Variants in ADAMTS6 observed in about 807,000 individuals in gnomAD.
ADAMTS6 encodes A disintegrin and metalloproteinase with thrombospondin motifs 6.
In ADAMTS6, 23 loss-of-function variants were observed where a neutral mutation model predicts 144.3. The ratio of observed to expected loss-of-function variants is 0.16; its 90% CI spans 0.11 to 0.23. The LOEUF is 0.23. ADAMTS6 is among the 10% of genes least tolerant of loss of function. The pLI is 1.00. For missense variants in ADAMTS6, 999 were observed against 1,379.6 expected, an observed-to-expected ratio of 0.72 and a Z score of 4.37; for synonymous variants, 444 against 457.5, an observed-to-expected ratio of 0.97 and a Z score of 0.38.
At chr5:65,321,055 G>T (rs1745564261) in intron 9 of ADAMTS6, among the ~76,000 whole-genome samples, 1 of 151,976 alleles carries the variant, frequency 6.6e-6, no homozygotes, top group African/African-American at 2.4e-5. Context: ...TATTCCTTTG[G>T]GTATATACCT....
intron 7 of ADAMTS6, among the ~76,000 whole-genome samples, chr5:65,355,212 T>C (rs1163636496): frequency 1.3e-5 from 2 of 151,802 alleles, no homozygotes; most frequent in Non-Finnish European, 3.0e-5. Flanking sequence ...TCTGATAAAA[T>C]AGTTAAAAGA....
intron 7 of ADAMTS6, among the ~76,000 whole-genome samples, chr5:65,403,768 A>G (rs73762297): frequency 0.039 from 5,939 of 152,130 alleles, 411 homozygotes; most frequent in African/African-American, 0.14. Context: ...CACATATACA[A>G]ATAATATAAC....
chr5:65,470,712 A>G, intron 3 of ADAMTS6, 66 bp downstream of exon 3: 1 of 1,371,864 alleles, frequency 7.3e-7, no homozygotes, highest in Non-Finnish European at 9.6e-7. Context: ...TAATCTGAGG[A>G]AAGACATTTA....
chr5:65,426,135 C>T (rs1445394832), intron 7 of ADAMTS6, among the ~76,000 whole-genome samples: 1 of 151,756 alleles, frequency 6.6e-6, no homozygotes, highest in Non-Finnish European at 1.5e-5. Flanking sequence ...CAACTTCCGC[C>T]TCCCAAGTTC....
chr5:65,354,671 C>T (rs1749164311), intron 7 of ADAMTS6, among the ~76,000 whole-genome samples: 1 of 151,590 alleles, frequency 6.6e-6, no homozygotes, highest in Non-Finnish European at 1.5e-5. Context: ...AAATTTCGCT[C>T]AGTAAACTAC....
intron 7 of ADAMTS6, among the ~76,000 whole-genome samples, chr5:65,430,434 C>T (rs892529310): frequency 6.6e-6 from 1 of 152,160 alleles, no homozygotes; most frequent in Admixed American, 6.6e-5. Flanking sequence ...ACTTGGAACA[C>T]TCCCACCCTC....
intron 12 of ADAMTS6, 103 bp from the exon 13 acceptor site, chr5:65,263,065 A>G: frequency 3.6e-6 from 5 of 1,389,914 alleles, no homozygotes; most frequent in Non-Finnish European, 4.9e-6. Context: ...AGGCATTAGC[A>G]TTCTCCCAAT....
chr5:65,163,305 G>C (rs565990574), intron 24 of ADAMTS6, among the ~76,000 whole-genome samples: 2 of 152,100 alleles, frequency 1.3e-5, no homozygotes, highest in Non-Finnish European at 2.9e-5. Flanking sequence ...TCTCAAGAGA[G>C]GGAAAGCTAG....
chr5:65,181,479 A>AT (rs1219849198), intron 22 of ADAMTS6, among the ~76,000 whole-genome samples: 1 of 152,246 alleles, frequency 6.6e-6, no homozygotes, highest in African/African-American at 2.4e-5. Context: ...TTCAGAAAAT[A>AT]TTTTCAAATA....
chr5:65,439,212 C>A (rs1480280948), intron 7 of ADAMTS6, among the ~76,000 whole-genome samples: 1 of 151,740 alleles, frequency 6.6e-6, no homozygotes, highest in South Asian at 2.1e-4. Flanking sequence ...TACCTAATAT[C>A]GAAAGAATAA....
chr5:65,424,929 T>C (rs1397676230), intron 7 of ADAMTS6, among the ~76,000 whole-genome samples: 1 of 152,196 alleles, frequency 6.6e-6, no homozygotes, highest in African/African-American at 2.4e-5. Context: ...TTAATTCCGC[T>C]GTATAATTTT....
At chr5:65,380,104 A>C (rs1751909063) in intron 7 of ADAMTS6, among the ~76,000 whole-genome samples, 1 of 152,106 alleles carries the variant, frequency 6.6e-6, no homozygotes, top group Admixed American at 6.5e-5. Flanking sequence ...AAAATATAAA[A>C]ATAGTATAAA....
chr5:65,301,150 A>T (rs1165823416), intron 9 of ADAMTS6, among the ~76,000 whole-genome samples: 1 of 152,212 alleles, frequency 6.6e-6, no homozygotes, highest in Non-Finnish European at 1.5e-5. Context: ...ATCTAAAAAA[A>T]CATTTTAACA....
At chr5:65,316,089 T>G (rs1031197553) in intron 9 of ADAMTS6, among the ~76,000 whole-genome samples, 2 of 152,126 alleles carry the variant, frequency 1.3e-5, no homozygotes, top group African/African-American at 2.4e-5. Context: ...TTTTGTATTT[T>G]TTAGTAGAGA....
chr5:65,448,964 C>G (rs1161387823), intron 7 of ADAMTS6, among the ~76,000 whole-genome samples: 1 of 152,094 alleles, frequency 6.6e-6, no homozygotes, highest in Admixed American at 6.5e-5. Flanking sequence ...TTTAAACACA[C>G]GTTGGATTTC....
At chr5:65,362,030 C>T (rs944737385) in intron 7 of ADAMTS6, among the ~76,000 whole-genome samples, 12 of 152,172 alleles carry the variant, frequency 7.9e-5, no homozygotes, top group South Asian at 2.1e-4. Context: ...CCACTGCAGA[C>T]GGCCTACCAT....
At chr5:65,450,105 G>A (rs1291531460) in intron 7 of ADAMTS6, among the ~76,000 whole-genome samples, 2 of 151,844 alleles carry the variant, frequency 1.3e-5, no homozygotes, top group Admixed American at 6.6e-5. Context: ...TTCCACATTC[G>A]CACAATTCCT....
In ADAMTS6 at chr5:65,273,430, G is replaced by C; in HGVS notation, c.1530C>G (p.Leu510=). ...QCKYGEVCRE[L]WCLSKSNRCV... is the part of the protein sequence containing the mutation. ...AGCGGTTGCTTTTGCTGAGACACCA[G>C]AGCTCTCTACACACTTCCTAGGAAA... is the stretch of plus-strand genomic sequence containing the variant. The change falls in exon 12 of 25, where the codon CTC becomes CTG. Residue 510 remains leucine, a synonymous_variant. Coordinates refer to ENST00000381055, the MANE Select transcript of ADAMTS6 (RefSeq NM_197941.4). 1 of 1,613,744 alleles carries C rather than the reference G, an allele frequency of 6.2e-7. No homozygotes were observed. The highest frequency in any genetic ancestry group is 8.5e-7 in the Non-Finnish European group (1 of 1,179,770).
At chr5:65,366,301 T>A (rs1404614719) in intron 7 of ADAMTS6, among the ~76,000 whole-genome samples, 1 of 152,218 alleles carries the variant, frequency 6.6e-6, no homozygotes, top group Admixed American at 6.5e-5. Context: ...TAAAAAAATG[T>A]TGGCAGGTCT....
Sources: allele counts gnomAD v4.1 joint callset (sites outside exome capture counted in the v4.1 genomes callset), GRCh38; gene constraint gnomAD v4.1.1; transcripts MANE v1.5; gene names NCBI Gene and HGNC (gene_info 2026-07-23, HGNC 2026-07-21).